Variants in FOXP1 observed in about 807,000 individuals in gnomAD.
FOXP1 encodes forkhead box P1.
FOXP1 carries 15 observed loss-of-function variants against 98.2 expected under a neutral mutation model. The ratio of observed to expected loss-of-function variants is 0.15; its 90% CI spans 0.10 to 0.24. The LOEUF is 0.24. FOXP1 is among the 10% of genes least tolerant of loss of function. The pLI, the probability that FOXP1 is intolerant of heterozygous loss-of-function variation, is 1.00. For synonymous variants in FOXP1, 371 were observed against 314.5 expected, an observed-to-expected ratio of 1.18 and a Z score of -1.90; for missense variants, 633 against 848.5, an observed-to-expected ratio of 0.75 and a Z score of 3.15.
At chr3:71,191,808 C>T (rs939266055) in intron 6 of FOXP1, among the ~76,000 whole-genome samples, 1 of 152,114 alleles carries the variant, frequency 6.6e-6, no homozygotes, top group African/African-American at 2.4e-5. Context: ...TTATCTGAAT[C>T]CTGTCTCAGT....
chr3:71,544,697 G>A (rs1485845483), intron 2 of FOXP1, among the ~76,000 whole-genome samples: 1 of 152,152 alleles, frequency 6.6e-6, no homozygotes, highest in Admixed American at 6.5e-5. Context: ...AGCAGAATAT[G>A]ATCACAAAGA....
At chr3:71,000,724 C>T (rs2042010949) in intron 13 of FOXP1, among the ~76,000 whole-genome samples, 1 of 151,182 alleles carries the variant, frequency 6.6e-6, no homozygotes. Flanking sequence ...CACACAGGTG[C>T]CCAGAATTTG....
At chr3:71,407,839 A>C (rs900083422) in intron 3 of FOXP1, among the ~76,000 whole-genome samples, 1 of 152,150 alleles carries the variant, frequency 6.6e-6, no homozygotes, top group African/African-American at 2.4e-5. Context: ...CATAAGGAAA[A>C]GGTTCCCAGT....
chr3:71,198,573 G>A (rs1043815707), intron 5 of FOXP1, among the ~76,000 whole-genome samples, 181 bp from the exon 6 acceptor site: 1 of 152,168 alleles, frequency 6.6e-6, no homozygotes, highest in Non-Finnish European at 1.5e-5. Flanking sequence ...CCCTAGTTTC[G>A]GGTCTGAAAC....
chr3:71,069,329 T>A (rs1559865736), intron 7 of FOXP1, among the ~76,000 whole-genome samples: 1 of 152,152 alleles, frequency 6.6e-6, no homozygotes, highest in Non-Finnish European at 1.5e-5. Flanking sequence ...AACATCAACC[T>A]AAAAACAAAT....
At position 70,976,959 on chromosome 3, in the gene FOXP1, G is replaced by C; in HGVS notation, c.1512C>G (p.Arg504=). The change falls in exon 17 of 21, where the codon CGC becomes CGG. Residue 504 remains arginine (R), a synonymous_variant. Coordinates refer to ENST00000649528, the MANE Select transcript of FOXP1 (RefSeq NM_001349338.3). ...AGCTTACCTTCCACGTGGCCGCGTT[G>C]CGTCGGAAGTAAGCAAACATTCGTG... The part of the protein sequence containing the change: ...WFTRMFAYFR[R]NAATWKNAVR... The C allele has an allele frequency of 6.2e-7, 1 of 1,613,816 alleles. No individual in the cohort carries two copies. Among genetic ancestry groups the C allele is most frequent in the Non-Finnish European group, 8.5e-7 (1 of 1,179,674 alleles).
intron 7 of FOXP1, among the ~76,000 whole-genome samples, chr3:71,097,655 C>T (rs1401516812): frequency 2.0e-5 from 3 of 152,152 alleles, no homozygotes; most frequent in South Asian, 4.1e-4. Context: ...AATCAGAATG[C>T]GCCTTGCAGG....
chr3:71,377,549 A>G (rs1164819993), intron 3 of FOXP1, among the ~76,000 whole-genome samples: 2 of 152,158 alleles, frequency 1.3e-5, no homozygotes, highest in African/African-American at 2.4e-5. Flanking sequence ...AATACTAAAT[A>G]ACCCCCCCAA....
intron 2 of FOXP1, among the ~76,000 whole-genome samples, chr3:71,527,792 C>T (rs757065497): frequency 9.9e-5 from 15 of 152,204 alleles, no homozygotes; most frequent in Non-Finnish European, 1.6e-4. Flanking sequence ...CAAAATGGGA[C>T]GCCAAAGGGA....
intron 4 of FOXP1, chr3:71,333,474 A>G (rs1388819020): frequency 1.3e-5 from 2 of 152,236 alleles, no homozygotes; most frequent in Non-Finnish European, 2.9e-5. Context: ...TCTGTAACCT[A>G]TTACTTCAAA....
chr3:71,112,752 T>C (rs542016817), intron 6 of FOXP1, 115 bp from the exon 7 acceptor site: 2 of 756,248 alleles, frequency 2.6e-6, no homozygotes, highest in East Asian at 5.0e-5. Context: ...TCCTATTTCC[T>C]GGCAAATGAA....
chr3:71,466,300 C>A (rs1450963628), intron 3 of FOXP1, among the ~76,000 whole-genome samples: 1 of 152,198 alleles, frequency 6.6e-6, no homozygotes, highest in African/African-American at 2.4e-5. Context: ...AACAGGCGAG[C>A]TGCTAACTTT....
intron 4 of FOXP1, among the ~76,000 whole-genome samples, chr3:71,341,807 G>GT (rs1335353811): frequency 4.9e-4 from 74 of 152,332 alleles, no homozygotes; most frequent in African/African-American, 1.8e-3. Flanking sequence ...CTCTCCAGTC[G>GT]TAAGACTGAA....
chr3:71,129,978 G>A (rs1344472774), intron 6 of FOXP1, among the ~76,000 whole-genome samples: 3 of 152,154 alleles, frequency 2.0e-5, no homozygotes, highest in African/African-American at 7.2e-5. Context: ...ATGACCGTGC[G>A]TGTTTCAGCA....
At chr3:71,557,537 G>T (rs1408357865) in intron 2 of FOXP1, among the ~76,000 whole-genome samples, 10 of 152,222 alleles carry the variant, frequency 6.6e-5, no homozygotes, top group Admixed American at 6.5e-4. Context: ...CCTTCTGTGT[G>T]TCTGCTTCTG....
At chr3:71,035,048 T>C (rs781084784) in intron 11 of FOXP1, among the ~76,000 whole-genome samples, 2 of 152,176 alleles carry the variant, frequency 1.3e-5, no homozygotes, top group East Asian at 3.9e-4. Context: ...ACAGCTTCCA[T>C]TGCTTCTCAA....
intron 5 of FOXP1, among the ~76,000 whole-genome samples, chr3:71,258,814 T>C (rs746099283): frequency 1.8e-4 from 27 of 152,302 alleles, no homozygotes; most frequent in Middle Eastern, 3.4e-3. Flanking sequence ...AAAGTCAATG[T>C]TGACCGCAGA....
intron 10 of FOXP1, among the ~76,000 whole-genome samples, chr3:71,044,946 G>T (rs2048824862): frequency 6.6e-6 from 1 of 152,062 alleles, no homozygotes; most frequent in South Asian, 2.1e-4. Flanking sequence ...TCAGTTTTAA[G>T]CCATCATCTC....
At chr3:71,347,204 G>A (rs2077421323) in intron 4 of FOXP1, among the ~76,000 whole-genome samples, 1 of 152,192 alleles carries the variant, frequency 6.6e-6, no homozygotes, top group Non-Finnish European at 1.5e-5. Context: ...AAGAAGGAAT[G>A]GGGTGGTAGG....
Sources: allele counts gnomAD v4.1 joint callset (sites outside exome capture counted in the v4.1 genomes callset), GRCh38; gene constraint gnomAD v4.1.1; transcripts MANE v1.5; gene names NCBI Gene and HGNC (gene_info 2026-07-23, HGNC 2026-07-21).